The following DENND2B variants were observed in gnomAD, a reference collection of about 807,000 sequenced individuals.
The protein encoded by DENND2B is DENN domain containing 2B.
DENND2B carries 32 observed loss-of-function variants against 116.0 expected under a neutral mutation model. The observed-to-expected ratio is 0.28, with a 90% CI of 0.21 to 0.37. DENND2B has a LOEUF of 0.37. Among genes scored for constraint, DENND2B ranks in the 10% least tolerant of loss-of-function variants. The pLI, the probability that DENND2B is intolerant of heterozygous loss-of-function variation, is 1.00. For missense variants in DENND2B, 1,276 were observed against 1,477.7 expected, an observed-to-expected ratio of 0.86 and a Z score of 2.24; for synonymous variants, 588 against 583.9, an observed-to-expected ratio of 1.01 and a Z score of -0.10.
intron 1 of DENND2B, among the ~76,000 whole-genome samples, chr11:8,769,419 C>G (rs952706896): frequency 6.6e-6 from 1 of 151,738 alleles, no homozygotes; most frequent in African/African-American, 2.4e-5. Flanking sequence ...ACCACCACTC[C>G]CAGACAATTT....
chr11:8,714,355 A>C, intron 7 of DENND2B, among the ~76,000 whole-genome samples: 1 of 152,252 alleles, frequency 6.6e-6, no homozygotes, highest in Non-Finnish European at 1.5e-5. Context: ...TTGAAATGGG[A>C]AACAGACCGC....
At chr11:8,830,467 A>G (rs74928621) in intron 4 of DENND2B, among the ~76,000 whole-genome samples, 8,866 of 152,290 alleles carry the variant, frequency 0.058, 362 homozygotes, top group Non-Finnish European at 0.092. Flanking sequence ...CTCTCCCAAT[A>G]GCTTATAAAT....
At chr11:8,803,604 TAAC>T (rs2060547509) in intron 1 of DENND2B, among the ~76,000 whole-genome samples, 1 of 152,200 alleles carries the variant, frequency 6.6e-6, no homozygotes, top group Admixed American at 6.5e-5. Context: ...GATGGATTAT[TAAC>T]AACAGCAGCA....
chr11:8,710,807 C>A (rs368557551), intron 11 of DENND2B, 38 bp downstream of exon 11: 2 of 1,593,908 alleles, frequency 1.3e-6, no homozygotes. Context: ...TGGCCTATCC[C>A]CTGCCTGCTG....
rs780403024 is a variant in DENND2B at position 8,717,727 on chromosome 11, C to G, written c.1629+14G>C. ...TCACGCTAACCCTACAGGCCGATGT[C>G]AGGGCTGAGTTACCTGTGTGGGCGG... On this transcript the variant is annotated intron_variant, in intron 5 of 19. Transcript: ENST00000313726. 2 of 1,539,324 alleles carry G rather than the reference C, an allele frequency of 1.3e-6. No individual in the cohort carries two copies. Among genetic ancestry groups the G allele is most frequent in the African/African-American group, 1.4e-5 (1 of 72,368 alleles).
chr11:8,726,438 A>AT (rs747667841), intron 3 of DENND2B: 2 of 459,008 alleles, frequency 4.4e-6, no homozygotes, highest in Non-Finnish European at 7.6e-6. Context: ...CCGCTATTAG[A>AT]TAACAACTAC....
chr11:8,695,643 A>C (rs1327642793), intron 18 of DENND2B, 94 bp from the exon 19 acceptor site: 1 of 1,049,474 alleles, frequency 9.5e-7, no homozygotes, highest in Non-Finnish European at 1.4e-6. Flanking sequence ...ACAGATGCCA[A>C]AAAAGGAGAA....
Position 8,777,151 on chromosome 11 carries a change from A to G in DENND2B, c.-25-26426T>C, listed in dbSNP as rs540533894. On this transcript the variant is annotated intron_variant, in intron 1 of 19. Transcript: ENST00000313726. ...CCTGTAGTAACAAATGCCACGTGAT[A>G]CATGCCTCACATCTAGTCCTAAGCT... 2.1e-3 allele frequency among the ~76,000 whole-genome samples: 323 copies of G among 152,312 alleles called. 1 individual carries two copies. Among genetic ancestry groups the G allele is most frequent in the African/African-American group, 7.4e-3 (306 of 41,566 alleles).
At chr11:8,742,868 C>T (rs2050459664) in intron 2 of DENND2B, among the ~76,000 whole-genome samples, 1 of 151,826 alleles carries the variant, frequency 6.6e-6, no homozygotes, top group East Asian at 1.9e-4. Flanking sequence ...AGTTTGAGAC[C>T]AGCCTGACCA....
rs201578952 is a variant in DENND2B at position 8,903,179 on chromosome 11, ATTTAT to A, written c.-256+7637_-256+7641del. On this transcript the variant is annotated intron_variant, in intron 1 of 22. Transcript: ENST00000534127. Reference sequence around the variant, plus strand: ...GGCCATCTGTATTTTTTAAAGTTTTATTTATTTATTTATTTTTTGAGACAGAGTTT... The same window carrying A: ...GGCCATCTGTATTTTTTAAAGTTTTATTATTTATTTTTTGAGACAGAGTTT... Among the ~76,000 whole-genome samples the A allele has an allele frequency of 8.3e-3, 1,256 of 152,192 alleles. 26 individuals are homozygous for A. The highest frequency in any genetic ancestry group is 0.03 in the African/African-American group (1,226 of 41,516).
At chr11:8,762,881 A>G (rs1282495900) in intron 1 of DENND2B, among the ~76,000 whole-genome samples, 2 of 152,214 alleles carry the variant, frequency 1.3e-5, no homozygotes, top group Non-Finnish European at 2.9e-5. Context: ...TGATAACCAT[A>G]ATGAAAAACA....
chr11:8,776,122 A>G (rs987880739), intron 1 of DENND2B: 10 of 423,028 alleles, frequency 2.4e-5, no homozygotes, highest in African/African-American at 1.1e-4. Flanking sequence ...AGACTTGCAC[A>G]TGCACACAGA....
At chr11:8,810,131 A>G (rs2061263199) in intron 1 of DENND2B, 1 of 151,664 alleles carries the variant, frequency 6.6e-6, no homozygotes, top group Admixed American at 6.6e-5. Context: ...AGGACGAACA[A>G]GCGGCTCAAA....
At chr11:8,754,029 G>GCGCACACACACACACACACACA (rs146486674) in intron 1 of DENND2B, among the ~76,000 whole-genome samples, 182 of 138,818 alleles carry the variant, frequency 1.3e-3, no homozygotes, top group African/African-American at 4.5e-3. Flanking sequence ...CCAAAAGCGC[G>GCGCACACACACACACACACACA]CACACACACA....
At chr11:8,752,786 T>G (rs1220735225) in intron 1 of DENND2B, among the ~76,000 whole-genome samples, 1 of 152,138 alleles carries the variant, frequency 6.6e-6, no homozygotes, top group Non-Finnish European at 1.5e-5. Flanking sequence ...AGATTAAAAT[T>G]TAAGGGTACA....
At chr11:8,784,123 AGAG>A (rs1345097119) in intron 1 of DENND2B, 2 of 152,294 alleles carry the variant, frequency 1.3e-5, no homozygotes, top group East Asian at 1.9e-4. Flanking sequence ...GATCAGCCCC[AGAG>A]GAGGAGACTT....
chr11:8,804,288 T>C (rs907345248), intron 1 of DENND2B, among the ~76,000 whole-genome samples: 7 of 152,194 alleles, frequency 4.6e-5, no homozygotes, highest in Non-Finnish European at 1.0e-4. Flanking sequence ...TCCAAAGCAA[T>C]TGTCTTTCTC....
At chr11:8,746,712 A>G (rs2051322793) in intron 2 of DENND2B, among the ~76,000 whole-genome samples, 1 of 152,190 alleles carries the variant, frequency 6.6e-6, no homozygotes, top group African/African-American at 2.4e-5. Context: ...GGGCAGAAAG[A>G]AAGACCAGGG....
intron 1 of DENND2B, chr11:8,774,218 TC>T (rs1422991136): frequency 1.0e-6 from 1 of 985,310 alleles, no homozygotes; most frequent in East Asian, 1.1e-4. Flanking sequence ...AGACCCTACC[TC>T]CACCCTTCAG....
Sources: gnomAD v4.1 joint callset for allele counts (sites outside exome capture counted in the v4.1 genomes callset) on GRCh38, gnomAD v4.1.1 for gene constraint, MANE v1.5 for transcripts, NCBI Gene and HGNC (gene_info 2026-07-23, HGNC 2026-07-21) for gene names.